PCDHGA6: variants seen among roughly 807,000 people sequenced by gnomAD.
PCDHGA6 encodes the protein protocadherin gamma-A6.
A neutral mutation model predicts 60.6 loss-of-function variants in PCDHGA6; 41 were observed. That is an observed-to-expected ratio of 0.68 (90% CI 0.53 to 0.88). The LOEUF is 0.88. Among genes scored for constraint, PCDHGA6 ranks in the 40% least tolerant of loss-of-function variants. The pLI is 0.00. For missense variants in PCDHGA6, 1,312 were observed against 1,203.0 expected (o/e 1.09, Z -1.34); for synonymous variants, 594 against 524.4 (o/e 1.13, Z -1.81).
At position 141,419,726 on chromosome 5, in the gene PCDHGA6, A is replaced by AC. The variant is rs757890106; in HGVS notation, c.2424+43220dup. On this transcript the variant is annotated intron_variant, in intron 1 of 3. Coordinates refer to ENST00000517434, the MANE Select transcript of PCDHGA6 (RefSeq NM_018919.3). ...CGGGCTCTTCAGCCTGGGGCTGCGA[A>AC]CAGGCGAGGTGCGCATGGTGCGTGC... 3.1e-6 allele frequency: 5 copies of AC among 1,613,402 alleles called. No individual in the cohort carries two copies. The Admixed American group carries it at 8.3e-5, about 27-fold the overall frequency.
At chr5:141,469,782 G>A (rs760985231) in intron 1 of PCDHGA6, among the ~76,000 whole-genome samples, 8 of 152,204 alleles carry the variant, frequency 5.3e-5, no homozygotes, top group African/African-American at 1.7e-4. Context: ...TTATTACAGC[G>A]TTATTTGTAA....
intron 1 of PCDHGA6, chr5:141,392,710 C>T: frequency 7.4e-7 from 1 of 1,345,380 alleles, no homozygotes; most frequent in Non-Finnish European, 9.8e-7. Flanking sequence ...TGGAGGCACT[C>T]CAGGTTTCCG....
At chr5:141,400,999 TCCTA>T (rs1239504565) in intron 1 of PCDHGA6, among the ~76,000 whole-genome samples, 2 of 152,226 alleles carry the variant, frequency 1.3e-5, no homozygotes, top group African/African-American at 2.4e-5. Flanking sequence ...GCTTTCTTAT[TCCTA>T]CCTAATGGAT....
Position 141,423,412 on chromosome 5 carries a change from T to C in PCDHGA6, c.2424+46905T>C, listed in dbSNP as rs754410783. 4 of 1,614,166 alleles carry C rather than the reference T, an allele frequency of 2.5e-6. No individual in the cohort carries two copies. The Admixed American group carries it at 6.7e-5, about 27-fold the overall frequency. The stretch of plus-strand genomic sequence containing the variant: ...GCATAAGTCACGCCTGCTGCAGGCT[T>C]CTGAAGGCGGGTTGGCAGGTATGCC... On this transcript the variant is annotated intron_variant, in intron 1 of 3. Coordinates refer to ENST00000517434, the MANE Select transcript of PCDHGA6 (RefSeq NM_018919.3).
intron 1 of PCDHGA6, among the ~76,000 whole-genome samples, chr5:141,474,644 C>G (rs1016496399): frequency 4.6e-5 from 7 of 152,180 alleles, no homozygotes; most frequent in Non-Finnish European, 1.0e-4. Flanking sequence ...CCTATATATC[C>G]TTACTTCTTT....
intron 1 of PCDHGA6, chr5:141,433,151 G>T (rs2097572071): frequency 1.2e-6 from 2 of 1,614,006 alleles, no homozygotes; most frequent in African/African-American, 1.3e-5. Context: ...AGGTGATTCG[G>T]TATTTTCTAA....
chr5:141,430,750 G>A (rs746434313), intron 1 of PCDHGA6: 2 of 1,500,586 alleles, frequency 1.3e-6, no homozygotes, highest in Non-Finnish European at 1.8e-6. Context: ...AATTCTGGAG[G>A]AAGATAAGAA....
chr5:141,394,505 C>A (rs1366555133), intron 1 of PCDHGA6: 4 of 1,614,218 alleles, frequency 2.5e-6, no homozygotes, highest in Non-Finnish European at 3.4e-6. Context: ...AGATCCTGTA[C>A]CCCGCCCTCC....
intron 1 of PCDHGA6, chr5:141,414,843 G>A: frequency 3.7e-6 from 6 of 1,614,218 alleles, no homozygotes; most frequent in Non-Finnish European, 5.1e-6. Context: ...GCCTGTTTGT[G>A]CTGGACCAGA....
chr5:141,482,470 C>T (rs768383368), intron 1 of PCDHGA6, among the ~76,000 whole-genome samples: 8 of 137,876 alleles, frequency 5.8e-5, no homozygotes, highest in Non-Finnish European at 1.2e-4. Flanking sequence ...ATGTGCCAGA[C>T]ACTGTAAACA....
intron 1 of PCDHGA6, chr5:141,418,042 G>A: frequency 6.2e-7 from 1 of 1,614,014 alleles, no homozygotes; most frequent in South Asian, 1.1e-5. Context: ...TCCTGGATGT[G>A]TCGGCTCGCG....
At chr5:141,457,631 G>C (rs540600166) in intron 1 of PCDHGA6, among the ~76,000 whole-genome samples, 1 of 152,282 alleles carries the variant, frequency 6.6e-6, no homozygotes, top group African/African-American at 2.4e-5. Flanking sequence ...TCTTATACTT[G>C]GCCTGATTAT....
intron 2 of PCDHGA6, among the ~76,000 whole-genome samples, chr5:141,504,722 C>T (rs747319660): frequency 1.3e-5 from 2 of 151,828 alleles, no homozygotes; most frequent in Non-Finnish European, 2.9e-5. Context: ...GGATTTTACT[C>T]TGAGGGCTTA....
chr5:141,468,055 T>G (rs2099156893), intron 1 of PCDHGA6, among the ~76,000 whole-genome samples: 1 of 152,096 alleles, frequency 6.6e-6, no homozygotes, highest in Admixed American at 6.5e-5. Flanking sequence ...CCGGGCACAG[T>G]GGCTCACACC....
At chr5:141,391,727 TTTGTAGTCATACTTA>T (rs1212107227) in intron 1 of PCDHGA6, 1 of 152,206 alleles carries the variant, frequency 6.6e-6, no homozygotes. Context: ...AACAGACTTT[TTTGTAGTCATACTTA>T]TCCTTTGGCT....
In PCDHGA6 at chr5:141,405,165, C is replaced by G. The variant is rs745998723; in HGVS notation, c.2424+28658C>G. 1.9e-6 allele frequency: 3 copies of G among 1,613,978 alleles called. No individual in the cohort carries two copies. In the South Asian group the frequency reaches 3.3e-5, roughly 18 times the overall value. On this transcript the variant is annotated intron_variant, in intron 1 of 3. Transcript: ENST00000517434. Reference sequence around the variant, plus strand: ...GATGGGTTGGCTGGTGTGCCCACCTCACACTTTGTGGGTGTAGATGGGGTT... The same window carrying G: ...GATGGGTTGGCTGGTGTGCCCACCTGACACTTTGTGGGTGTAGATGGGGTT...
intron 1 of PCDHGA6, among the ~76,000 whole-genome samples, chr5:141,456,882 G>A (rs1039329600): frequency 6.6e-6 from 1 of 152,156 alleles, no homozygotes; most frequent in Non-Finnish European, 1.5e-5. Context: ...AGAATCGCTT[G>A]AACCCGGGAG....
chr5:141,419,315 C>A lies in PCDHGA6; in HGVS notation c.2424+42808C>A, dbSNP rs2096357855. ...TGACCCAGACTTCGGGCTCAACGGC[C>A]GTGTCTCCTACTCTCTCATTGCCAG... On this transcript the variant is annotated intron_variant, in intron 1 of 3. Transcript: ENST00000517434. 3 of 1,613,880 alleles carry A rather than the reference C, an allele frequency of 1.9e-6. No homozygotes were observed. Among genetic ancestry groups the A allele is most frequent in the Non-Finnish European group, 2.5e-6 (3 of 1,179,910 alleles).
chr5:141,428,658 T>C (rs932328483), intron 1 of PCDHGA6: 1 of 165,620 alleles, frequency 6.0e-6, no homozygotes, highest in Non-Finnish European at 1.3e-5. Context: ...TGAGTTCCAA[T>C]GAATGTCTTT....
Sources: gnomAD v4.1 joint callset for allele counts (sites outside exome capture counted in the v4.1 genomes callset) on GRCh38, gnomAD v4.1.1 for gene constraint, MANE v1.5 for transcripts, NCBI Gene and HGNC (gene_info 2026-07-23, HGNC 2026-07-21) for gene names.